Variants in TGFBR3 observed in about 807,000 individuals in gnomAD.
The protein encoded by TGFBR3 is transforming growth factor beta receptor 3, also known as transforming growth factor beta receptor type 3.
In TGFBR3, 46 loss-of-function variants were observed where a neutral mutation model predicts 87.9. The ratio of observed to expected loss-of-function variants is 0.52; its 90% CI spans 0.41 to 0.67. The LOEUF (loss-of-function observed/expected upper bound fraction) is 0.67. Among genes scored for constraint, TGFBR3 ranks in the 30% least tolerant of loss-of-function variants. TGFBR3 has a pLI of 0.00. For missense variants in TGFBR3, 866 were observed against 1,041.9 expected, an observed-to-expected ratio of 0.83 and a Z score of 2.32; for synonymous variants, 381 against 391.6, an observed-to-expected ratio of 0.97 and a Z score of 0.32.
chr1:91,829,765 G>A (rs2450928), intron 2 of TGFBR3: 149,609 of 152,248 alleles, frequency 0.98, 73,556 homozygotes, highest in Middle Eastern at 1. Flanking sequence ...GTTTTGTTTT[G>A]TTTTGTTTAG....
At chr1:91,847,304 A>G (rs1202610518) in intron 2 of TGFBR3, among the ~76,000 whole-genome samples, 1 of 152,098 alleles carries the variant, frequency 6.6e-6, no homozygotes, top group African/African-American at 2.4e-5. Flanking sequence ...CTGGAGTGTG[A>G]TTATAAGAAT....
At chr1:91,804,847 T>C (rs955565808) in intron 2 of TGFBR3, among the ~76,000 whole-genome samples, 2 of 152,204 alleles carry the variant, frequency 1.3e-5, no homozygotes, top group Non-Finnish European at 2.9e-5. Context: ...CCGTCTTCCC[T>C]ACGCAATCTC....
intron 2 of TGFBR3, among the ~76,000 whole-genome samples, chr1:91,824,426 G>A (rs774484532): frequency 1.3e-5 from 2 of 152,190 alleles, no homozygotes; most frequent in African/African-American, 2.4e-5. Flanking sequence ...GGAAAGATGT[G>A]AAAACAGATG....
intron 16 of TGFBR3, among the ~76,000 whole-genome samples, chr1:91,684,352 T>C (rs938649318): frequency 6.6e-6 from 1 of 152,160 alleles, no homozygotes; most frequent in Non-Finnish European, 1.5e-5. Context: ...AGGAGTGAAA[T>C]ATAGACTTTG....
At chr1:91,838,821 T>C (rs1368287449) in intron 2 of TGFBR3, among the ~76,000 whole-genome samples, 1 of 152,162 alleles carries the variant, frequency 6.6e-6, no homozygotes, top group African/African-American at 2.4e-5. Context: ...CAAATCTCTT[T>C]AAATGTCTGG....
Position 91,761,480 on chromosome 1 carries a change from C to T in TGFBR3, c.247-2730G>A, listed in dbSNP as rs371917837. ...GCCATTTGGCAAAGAAGAATTCACACTACAATTGGGAAATTCAAAGAAAAA... is the reference window on the plus strand; with the variant it reads ...GCCATTTGGCAAAGAAGAATTCACATTACAATTGGGAAATTCAAAGAAAAA... On this transcript the variant is annotated intron_variant, in intron 3 of 16. Coordinates refer to ENST00000212355, the MANE Select transcript of TGFBR3 (RefSeq NM_003243.5). Among the ~76,000 whole-genome samples, 9 of 152,268 alleles carry T rather than the reference C, an allele frequency of 5.9e-5. No homozygotes were observed. The East Asian group carries it at 1.3e-3, about 23-fold the overall frequency.
At chr1:91,897,627 T>A (rs1195458729) in intron 2 of TGFBR3, among the ~76,000 whole-genome samples, 1 of 152,160 alleles carries the variant, frequency 6.6e-6, no homozygotes, top group Non-Finnish European at 1.5e-5. Context: ...GCTGGCTTAG[T>A]GAGAATGTAT....
chr1:91,749,777 T>C (rs911757541), intron 4 of TGFBR3, among the ~76,000 whole-genome samples: 1 of 152,154 alleles, frequency 6.6e-6, no homozygotes. Context: ...AGTCTCCTGG[T>C]AGACAGTTGG....
At chr1:91,755,626 G>A (rs1201914633) in intron 4 of TGFBR3, among the ~76,000 whole-genome samples, 2 of 152,138 alleles carry the variant, frequency 1.3e-5, no homozygotes, top group East Asian at 1.9e-4. Flanking sequence ...ACGTTCAATT[G>A]TTTACTAAAG....
chr1:91,898,571 G>A (rs549252790), intron 2 of TGFBR3, among the ~76,000 whole-genome samples: 1 of 152,166 alleles, frequency 6.6e-6, no homozygotes, highest in South Asian at 2.1e-4. Context: ...TGAGTAGCTG[G>A]GACCACAGGC....
intron 2 of TGFBR3, among the ~76,000 whole-genome samples, chr1:91,824,710 C>A (rs192649404): frequency 6.6e-6 from 1 of 152,110 alleles, no homozygotes; most frequent in African/African-American, 2.4e-5. Flanking sequence ...ACCTGTAATC[C>A]CAGCACTTTG....
chr1:91,903,027 T>TAA (rs57978972), intron 1 of TGFBR3, among the ~76,000 whole-genome samples: 2,209 of 134,070 alleles, frequency 0.016, 24 homozygotes, highest in Middle Eastern at 0.074. Context: ...GCACCTCACT[T>TAA]AAAAAAAAAA....
chr1:91,725,776 T>C (rs1417132192), intron 7 of TGFBR3, among the ~76,000 whole-genome samples: 2 of 152,186 alleles, frequency 1.3e-5, no homozygotes, highest in Non-Finnish European at 2.9e-5. Flanking sequence ...GATTTAAATC[T>C]AGCCCTGTCT....
intron 1 of TGFBR3, among the ~76,000 whole-genome samples, chr1:91,878,473 G>T (rs1224602334): frequency 2.0e-5 from 3 of 152,120 alleles, no homozygotes; most frequent in Non-Finnish European, 2.9e-5. Flanking sequence ...TTGCCAGATG[G>T]AATTAAGTAT....
At chr1:91,882,660 G>A (rs1679139602) in intron 1 of TGFBR3, among the ~76,000 whole-genome samples, 2 of 152,046 alleles carry the variant, frequency 1.3e-5, no homozygotes, top group Non-Finnish European at 2.9e-5. Flanking sequence ...CAGGAGAATG[G>A]CGTGAACCTG....
intron 2 of TGFBR3, among the ~76,000 whole-genome samples, chr1:91,821,328 CAAAAAAAAA>C (rs35313779): frequency 2.6e-5 from 2 of 77,590 alleles, no homozygotes; most frequent in Admixed American, 1.6e-4. Context: ...AAGACTGTCT[CAAAAAAAAA>C]AAAAAAAAAA....
Position 91,807,057 on chromosome 1 carries a change from G to C in TGFBR3, c.62-9586C>G, listed in dbSNP as rs115583580. ...GAAAAAAACACCTGGAATGCCCTGA[G>C]CTCACAAACACGCCTGACGTGTACA... is the stretch of plus-strand genomic sequence containing the variant. On this transcript the variant is annotated intron_variant, in intron 2 of 16. Transcript: ENST00000212355. Among the ~76,000 whole-genome samples, 869 of 152,314 alleles carry C rather than the reference G, an allele frequency of 5.7e-3. 9 individuals carry two copies. Among genetic ancestry groups the C allele is most frequent in the African/African-American group, 0.02 (829 of 41,558 alleles).
chr1:91,798,044 C>T (rs900039722), intron 2 of TGFBR3, among the ~76,000 whole-genome samples: 2 of 152,122 alleles, frequency 1.3e-5, no homozygotes, highest in African/African-American at 4.8e-5. Context: ...CTGAGCAGAG[C>T]CTCAAATAGA....
At chr1:91,809,425 G>A (rs1439928120) in intron 2 of TGFBR3, among the ~76,000 whole-genome samples, 1 of 152,198 alleles carries the variant, frequency 6.6e-6, no homozygotes, top group Non-Finnish European at 1.5e-5. Flanking sequence ...GCAGAGACAA[G>A]TGGCAAGATG....
Sources: gnomAD v4.1 joint callset for allele counts (sites outside exome capture counted in the v4.1 genomes callset) on GRCh38, gnomAD v4.1.1 for gene constraint, MANE v1.5 for transcripts, NCBI Gene and HGNC (gene_info 2026-07-23, HGNC 2026-07-21) for gene names.